CALU: variants seen among roughly 807,000 people sequenced by gnomAD.
CALU encodes the protein calumenin.
In CALU, 13 loss-of-function variants were observed where a neutral mutation model predicts 37.5. The observed-to-expected ratio is 0.35, with a 90% CI of 0.23 to 0.55. The LOEUF (loss-of-function observed/expected upper bound fraction) is 0.55. Among genes scored for constraint, CALU ranks in the 20% least tolerant of loss-of-function variants. CALU has a pLI of 0.89. For missense variants in CALU, 282 were observed against 391.7 expected, an observed-to-expected ratio of 0.72 and a Z score of 2.36; for synonymous variants, 114 against 133.8, an observed-to-expected ratio of 0.85 and a Z score of 1.02.
intron 3 of CALU, among the ~76,000 whole-genome samples, chr7:128,756,764 AATAGGTT>A (rs1800899365): frequency 6.6e-6 from 1 of 152,176 alleles, no homozygotes; most frequent in Admixed American, 6.5e-5. Flanking sequence ...GCTATAGGAA[AATAGGTT>A]TTGTCATTAA....
At chr7:128,763,602 G>A (rs1056884240) in intron 5 of CALU, among the ~76,000 whole-genome samples, 7 of 152,142 alleles carry the variant, frequency 4.6e-5, no homozygotes, top group Non-Finnish European at 8.8e-5. Flanking sequence ...TTTAAAATGC[G>A]CTTACGTTGT....
chr7:128,769,368 A>T lies in CALU; in HGVS notation c.*201A>T. On this transcript the variant is annotated 3_prime_UTR_variant, in exon 7 of 7. Transcript: ENST00000249364. ...GTGCTTCTGAGGAACAACTCTAATT[A>T]GTACACTTGTGTTTGTAGATTTACA... 1 of 445,126 alleles carries T rather than the reference A, an allele frequency of 2.2e-6. No homozygotes were observed. The highest frequency in any genetic ancestry group is 4.0e-6 in the Non-Finnish European group (1 of 248,034). 27.6% of individuals were successfully genotyped at this position (445,126 alleles called of 1,614,324 possible). A position where few individuals can be genotyped will look rare whatever the true frequency, so the allele number is the denominator to read the frequency against.
At chr7:128,749,911 T>G (rs1022377677) in intron 2 of CALU, among the ~76,000 whole-genome samples, 7 of 152,208 alleles carry the variant, frequency 4.6e-5, no homozygotes, top group Non-Finnish European at 5.9e-5. Flanking sequence ...ATCTAATAAC[T>G]GTACTAACAT....
rs531488518 is a variant in CALU, at chr7:128,767,223, CTT to C, written c.644-231_644-230del. Among the ~76,000 whole-genome samples the C allele has an allele frequency of 2.2e-3, 336 of 152,304 alleles. 3 individuals are homozygous for C. The highest frequency in any genetic ancestry group is 0.017 in the Admixed American group (254 of 15,300). On this transcript the variant is annotated intron_variant, in intron 5 of 6. Coordinates refer to ENST00000249364, the MANE Select transcript of CALU (RefSeq NM_001219.5). ...CTGCATTTATTAAGGTATAAGAACTCTTTGCTCTCATGTGACTTAAAATCAGC... is the reference window on the plus strand; with the variant it reads ...CTGCATTTATTAAGGTATAAGAACTCTGCTCTCATGTGACTTAAAATCAGC...
At chr7:128,759,564 G>T (rs988935540) in intron 4 of CALU, among the ~76,000 whole-genome samples, 1 of 152,174 alleles carries the variant, frequency 6.6e-6, no homozygotes, top group Non-Finnish European at 1.5e-5. Context: ...CTGTCAGGAA[G>T]ACTCAGTTAT....
intron 1 of CALU, among the ~76,000 whole-genome samples, chr7:128,740,658 T>TG (rs962281916): frequency 7.4e-3 from 245 of 33,226 alleles, no homozygotes; most frequent in African/African-American, 0.016. Context: ...GATTGGGGGG[T>TG]GGGGGGGTTC....
intron 1 of CALU, among the ~76,000 whole-genome samples, chr7:128,740,242 C>T (rs1394226327): frequency 1.3e-5 from 2 of 152,164 alleles, no homozygotes; most frequent in Admixed American, 6.5e-5. Context: ...CCGTGGGTCT[C>T]CTGCTAAAAC....
In CALU at chr7:128,772,619, A is replaced by G; in HGVS notation, c.*3452A>G. On this transcript the variant is annotated 3_prime_UTR_variant, in exon 7 of 7. Transcript: ENST00000249364. ...GCTGCATGTGTCGGATTCATCTGTCATGGCCTTCCCACACACCATCTTCAT... is the reference window on the plus strand; with the variant it reads ...GCTGCATGTGTCGGATTCATCTGTCGTGGCCTTCCCACACACCATCTTCAT... 6.2e-7 allele frequency: 1 copy of G among 1,614,154 alleles called. No homozygotes were observed.
intron 3 of CALU, among the ~76,000 whole-genome samples, chr7:128,755,640 T>G (rs1308721298): frequency 6.6e-6 from 1 of 152,234 alleles, no homozygotes; most frequent in African/African-American, 2.4e-5. Flanking sequence ...ATTTGATAGC[T>G]TGTATGCTTG....
chr7:128,763,655 A>G (rs1801210227), intron 5 of CALU, among the ~76,000 whole-genome samples: 2 of 152,228 alleles, frequency 1.3e-5, no homozygotes, highest in South Asian at 4.1e-4. Flanking sequence ...CATATCTTTT[A>G]AGCATGTGTC....
rs1394248426 is a variant in CALU, at chr7:128,772,460, G to A, written c.*3293G>A. The A allele has an allele frequency of 2.6e-6, 4 of 1,543,656 alleles. No individual in the cohort carries two copies. The East Asian group carries it at 6.8e-5, about 26-fold the overall frequency. ...ATCTTTTTTGTGTTTTTAGTAGTTT[G>A]GTTTCTGACGGAGACAATAGAAACT... On this transcript the variant is annotated 3_prime_UTR_variant, in exon 7 of 7. Transcript: ENST00000249364.
intron 1 of CALU, among the ~76,000 whole-genome samples, chr7:128,744,468 G>C (rs771008443): frequency 1.8e-4 from 27 of 151,996 alleles, no homozygotes; most frequent in Non-Finnish European, 2.6e-4. Flanking sequence ...TAATAGCCAG[G>C]AGTTGTTATA....
intron 6 of CALU, 28 bp from the exon 7 acceptor site, chr7:128,769,035 T>C: frequency 8.0e-7 from 1 of 1,254,804 alleles, no homozygotes; most frequent in Middle Eastern, 1.9e-4. Context: ...TATGTTCTTC[T>C]TCAATTCATT....
rs1007553263 is a variant in CALU at position 128,765,645 on chromosome 7, T to G, written c.644-1811T>G. On this transcript the variant is annotated intron_variant, in intron 5 of 6. Coordinates refer to ENST00000249364, the MANE Select transcript of CALU (RefSeq NM_001219.5). ...AGAGTCTTCTGTGTTAAGTTACTAT[T>G]ACAATTATTAATACACAATTGAACA... 5.9e-5 allele frequency among the ~76,000 whole-genome samples: 9 copies of G among 152,252 alleles called. No homozygotes were observed. The East Asian group carries it at 9.6e-4, about 16-fold the overall frequency.
chr7:128,745,763 CAG>C (rs989370084), intron 1 of CALU, among the ~76,000 whole-genome samples: 1 of 152,152 alleles, frequency 6.6e-6, no homozygotes, highest in African/African-American at 2.4e-5. Context: ...GAGGGTCAGC[CAG>C]AGTGTTGTTC....
chr7:128,741,364 T>C (rs1753723824), intron 1 of CALU, among the ~76,000 whole-genome samples: 1 of 152,176 alleles, frequency 6.6e-6, no homozygotes, highest in Admixed American at 6.5e-5. Context: ...GTAAAATGTA[T>C]TGGTATCAAA....
At chr7:128,757,499 G>T (rs997328093) in intron 3 of CALU, among the ~76,000 whole-genome samples, 1 of 152,030 alleles carries the variant, frequency 6.6e-6, no homozygotes, top group African/African-American at 2.4e-5. Context: ...TAGTACAGTA[G>T]TTTTGTTTTT....
chr7:128,768,867 A>AAAAAAAAAAAAAAAAAAAG, intron 6 of CALU, among the ~76,000 whole-genome samples, 196 bp from the exon 7 acceptor site: 1 of 150,928 alleles, frequency 6.6e-6, no homozygotes, highest in Non-Finnish European at 1.5e-5. Context: ...AAAAAAAAAA[A>AAAAAAAAAAAAAAAAAAAG]ACAAGGAATG....
At chr7:128,741,818 A>G (rs1800253510) in intron 1 of CALU, among the ~76,000 whole-genome samples, 1 of 152,206 alleles carries the variant, frequency 6.6e-6, no homozygotes, top group Non-Finnish European at 1.5e-5. Flanking sequence ...CTTGTCAACG[A>G]AAAGGAAACT....
Sources: allele counts gnomAD v4.1 joint callset (sites outside exome capture counted in the v4.1 genomes callset), GRCh38; gene constraint gnomAD v4.1.1; transcripts MANE v1.5; gene names NCBI Gene and HGNC (gene_info 2026-07-23, HGNC 2026-07-21).